Variants in CDIN1 observed in about 807,000 individuals in gnomAD.
CDIN1 encodes the protein CDAN1-interacting nuclease 1.
In CDIN1, 33 loss-of-function variants were observed where a neutral mutation model predicts 45.3. That is an observed-to-expected ratio of 0.73 (90% CI 0.55 to 0.97). The LOEUF (loss-of-function observed/expected upper bound fraction) is 0.97. Among genes scored for constraint, CDIN1 ranks in the 50% least tolerant of loss-of-function variants. The pLI, the probability that CDIN1 is intolerant of heterozygous loss-of-function variation, is 0.00. For missense variants in CDIN1, 303 were observed against 339.4 expected (o/e 0.89, Z 0.84); for synonymous variants, 118 against 124.4 (o/e 0.95, Z 0.34).
At chr15:36,622,438 T>A (rs1317535521) in intron 1 of CDIN1, among the ~76,000 whole-genome samples, 2 of 152,182 alleles carry the variant, frequency 1.3e-5, no homozygotes, top group East Asian at 3.8e-4. Flanking sequence ...ACAGCAGCTG[T>A]GTGGACTTCT....
chr15:36,584,613 C>T (rs2037206533), intron 1 of CDIN1, among the ~76,000 whole-genome samples: 1 of 152,142 alleles, frequency 6.6e-6, no homozygotes, highest in Non-Finnish European at 1.5e-5. Context: ...TACCAACCCG[C>T]TTATTCCAGT....
intron 1 of CDIN1, among the ~76,000 whole-genome samples, chr15:36,620,446 C>A (rs562950895): frequency 6.6e-6 from 1 of 152,266 alleles, no homozygotes; most frequent in African/African-American, 2.4e-5. Context: ...TTAAAATTCC[C>A]TGTGATTCCC....
intron 1 of CDIN1, chr15:36,641,045 A>G (rs1331263626): frequency 6.6e-6 from 1 of 152,230 alleles, no homozygotes; most frequent in Non-Finnish European, 1.5e-5. Flanking sequence ...GAAGCCAATT[A>G]TAGCCATCAG....
intron 10 of CDIN1, among the ~76,000 whole-genome samples, chr15:36,805,857 C>T (rs2055209807): frequency 6.6e-6 from 1 of 152,128 alleles, no homozygotes; most frequent in African/African-American, 2.4e-5. Context: ...AAACTTGTCA[C>T]CCTCTAAAGT....
chr15:36,753,621 A>T (rs1595558546), intron 10 of CDIN1, among the ~76,000 whole-genome samples: 1 of 29,036 alleles, frequency 3.4e-5, no homozygotes, highest in Non-Finnish European at 6.1e-5. Context: ...TTTTTTATTA[A>T]AAAAAAAAAA....
intron 10 of CDIN1, chr15:36,798,973 C>T (rs2054915368): frequency 6.6e-6 from 1 of 152,238 alleles, no homozygotes; most frequent in African/African-American, 2.4e-5. Context: ...GCCTTGCCAA[C>T]TCCATGATCA....
intron 10 of CDIN1, 27 bp downstream of exon 10, chr15:36,709,988 G>C: frequency 6.6e-7 from 1 of 1,521,808 alleles, no homozygotes; most frequent in Non-Finnish European, 9.0e-7. Flanking sequence ...TTTCTTTTAA[G>C]ATAAACGATA....
At chr15:36,603,254 A>G (rs1433684240) in intron 1 of CDIN1, among the ~76,000 whole-genome samples, 1 of 152,192 alleles carries the variant, frequency 6.6e-6, no homozygotes, top group East Asian at 1.9e-4. Flanking sequence ...CTAAAGACAC[A>G]TTCCCTTTAA....
intron 1 of CDIN1, among the ~76,000 whole-genome samples, chr15:36,635,250 C>T (rs972180516): frequency 1.3e-5 from 2 of 152,106 alleles, no homozygotes; most frequent in African/African-American, 4.8e-5. Flanking sequence ...CCTGGTACTC[C>T]CAGTATCAAG....
chr15:36,586,124 G>T (rs6495849), intron 1 of CDIN1, among the ~76,000 whole-genome samples: 149,127 of 152,080 alleles, frequency 0.98, 73,142 homozygotes, highest in East Asian at 1. Context: ...TAGAACCTTC[G>T]AGTACCTCTT....
intron 10 of CDIN1, among the ~76,000 whole-genome samples, chr15:36,764,847 T>G (rs1440753804): frequency 6.6e-6 from 1 of 152,146 alleles, no homozygotes; most frequent in Admixed American, 6.5e-5. Context: ...AACAGACACA[T>G]GCCCTTCTTT....
chr15:36,627,992 T>C (rs2039518986), intron 1 of CDIN1, among the ~76,000 whole-genome samples: 1 of 151,616 alleles, frequency 6.6e-6, no homozygotes, highest in Non-Finnish European at 1.5e-5. Context: ...TATGGAACAC[T>C]GGCTACAGTA....
At chr15:36,617,806 CA>C in intron 1 of CDIN1, 1 of 806,486 alleles carries the variant, frequency 1.2e-6, no homozygotes. Flanking sequence ...GCTGGTATAT[CA>C]CTTTCCAGTC....
chr15:36,735,972 A>G (rs1386275104), intron 10 of CDIN1, among the ~76,000 whole-genome samples: 2 of 152,212 alleles, frequency 1.3e-5, no homozygotes, highest in East Asian at 1.9e-4. Flanking sequence ...CTATCTGGTC[A>G]TAGGATTTAG....
chr15:36,651,363 T>C (rs894746449), intron 3 of CDIN1, among the ~76,000 whole-genome samples: 2 of 152,162 alleles, frequency 1.3e-5, no homozygotes, highest in Non-Finnish European at 2.9e-5. Flanking sequence ...TTGCACAAGA[T>C]CATGATGAGG....
chr15:36,803,547 C>T (rs76621004), intron 10 of CDIN1, among the ~76,000 whole-genome samples: 16,701 of 152,116 alleles, frequency 0.11, 1,199 homozygotes, highest in African/African-American at 0.2. Flanking sequence ...CTTGATTTAA[C>T]AGATCTACTG....
chr15:36,610,658 C>T (rs2038605613), intron 1 of CDIN1, among the ~76,000 whole-genome samples: 1 of 152,176 alleles, frequency 6.6e-6, no homozygotes, highest in African/African-American at 2.4e-5. Flanking sequence ...CAGCTAGATT[C>T]TATTTGCCTA....
intron 10 of CDIN1, among the ~76,000 whole-genome samples, chr15:36,742,013 A>G (rs1470814897): frequency 6.6e-6 from 1 of 152,210 alleles, no homozygotes; most frequent in African/African-American, 2.4e-5. Flanking sequence ...CAAAATCTTA[A>G]CCATAATATT....
At chr15:36,613,923 GC>G in intron 1 of CDIN1, 3 of 1,550,548 alleles carry the variant, frequency 1.9e-6, no homozygotes, top group Non-Finnish European at 1.8e-6. Flanking sequence ...AGCTGGCAGA[GC>G]CCCATTGCCG....
Sources: allele counts gnomAD v4.1 joint callset (sites outside exome capture counted in the v4.1 genomes callset), GRCh38; gene constraint gnomAD v4.1.1; transcripts MANE v1.5; gene names NCBI Gene and HGNC (gene_info 2026-07-23, HGNC 2026-07-21).